FCHO2: variants seen among roughly 807,000 people sequenced by gnomAD.
The protein encoded by FCHO2 is FCH and mu domain containing endocytic adaptor 2.
A neutral mutation model predicts 114.1 loss-of-function variants in FCHO2; 43 were observed. The observed-to-expected ratio is 0.38, with a 90% CI of 0.30 to 0.49. The LOEUF is 0.49. Among genes scored for constraint, FCHO2 ranks in the 20% least tolerant of loss-of-function variants. FCHO2 has a pLI of 0.97. For synonymous variants in FCHO2, 293 were observed against 315.2 expected (o/e 0.93, Z 0.75); for missense variants, 807 against 950.4 (o/e 0.85, Z 1.98).
intron 2 of FCHO2, among the ~76,000 whole-genome samples, chr5:72,982,221 C>T (rs555422866): frequency 7.9e-5 from 12 of 152,236 alleles, no homozygotes; most frequent in African/African-American, 2.6e-4. Flanking sequence ...TGCTTCTGCT[C>T]GCTCTCTGTG....
chr5:72,971,545 GTTGT>G (rs1168001835), intron 2 of FCHO2, among the ~76,000 whole-genome samples: 1 of 152,160 alleles, frequency 6.6e-6, no homozygotes, highest in African/African-American at 2.4e-5. Context: ...TTTGGATGGG[GTTGT>G]TTGTTTTTTT....
intron 11 of FCHO2, among the ~76,000 whole-genome samples, chr5:73,048,186 A>G (rs1044098332): frequency 6.6e-6 from 1 of 152,038 alleles, no homozygotes; most frequent in African/African-American, 2.4e-5. Context: ...ACAGTGGGTC[A>G]TGCCTGTAAT....
At chr5:73,083,009 G>A (rs6867142) in intron 24 of FCHO2, among the ~76,000 whole-genome samples, 184 bp downstream of exon 24, 1 of 151,888 alleles carries the variant, frequency 6.6e-6, no homozygotes, top group Non-Finnish European at 1.5e-5. Context: ...GAGTAGCTGG[G>A]ATTACAGGCA....
chr5:73,066,076 C>A (rs1052781034), intron 18 of FCHO2, among the ~76,000 whole-genome samples: 4 of 151,986 alleles, frequency 2.6e-5, no homozygotes, highest in African/African-American at 9.7e-5. Flanking sequence ...ATTCTTATTT[C>A]ATAGTCTTCA....
At chr5:73,011,912 GA>G (rs1187558539) in intron 6 of FCHO2, among the ~76,000 whole-genome samples, 176 of 138,878 alleles carry the variant, frequency 1.3e-3, no homozygotes, top group Middle Eastern at 3.6e-3. Flanking sequence ...TCCATCTCAG[GA>G]AAAAAAAAAA....
intron 18 of FCHO2, among the ~76,000 whole-genome samples, chr5:73,068,365 TTAAAC>T (rs1164976489): frequency 1.3e-5 from 2 of 152,108 alleles, no homozygotes; most frequent in African/African-American, 2.4e-5. Context: ...TTTATACTGT[TTAAAC>T]TAATTTAACT....
At chr5:72,956,297 A>T (rs1185886384) in intron 1 of FCHO2, among the ~76,000 whole-genome samples, 168 bp downstream of exon 1, 2 of 150,634 alleles carry the variant, frequency 1.3e-5, no homozygotes, top group African/African-American at 4.9e-5. Context: ...TCGCCAGCCT[A>T]TAGGGACTCC....
chr5:73,054,208 T>C (rs764987108), intron 14 of FCHO2, 37 bp downstream of exon 14: 1 of 1,472,226 alleles, frequency 6.8e-7, no homozygotes, highest in Non-Finnish European at 9.1e-7. Flanking sequence ...CCATTGACTT[T>C]TAAAATCATT....
At chr5:73,043,697 A>G (rs1174875310) in intron 11 of FCHO2, among the ~76,000 whole-genome samples, 1 of 152,200 alleles carries the variant, frequency 6.6e-6, no homozygotes. Flanking sequence ...ACTTAATAAA[A>G]GCAAGTATGA....
At chr5:73,016,917 T>G (rs1755335651) in intron 7 of FCHO2, among the ~76,000 whole-genome samples, 1 of 151,988 alleles carries the variant, frequency 6.6e-6, no homozygotes, top group East Asian at 1.9e-4. Flanking sequence ...GTATTTTTGT[T>G]GTCTGTATAA....
chr5:73,062,548 T>G (rs1757899824), intron 17 of FCHO2, among the ~76,000 whole-genome samples: 1 of 152,036 alleles, frequency 6.6e-6, no homozygotes, highest in Admixed American at 6.6e-5. Context: ...AGGGTACAGC[T>G]TCAAGTGTGA....
At position 72,996,243 on chromosome 5, in the gene FCHO2, C is replaced by CAAAAAA. The variant is rs371371047; in HGVS notation, c.495+5391_495+5396dup. ...GGGCAACAAGAACGAAACTCTGTCT[C>CAAAAAA]AAAAAAAAAAAAAAAAATCCTGTTA... is the stretch of plus-strand genomic sequence containing the variant. On this transcript the variant is annotated intron_variant, in intron 5 of 25. Transcript: ENST00000430046. Among the ~76,000 whole-genome samples, 41 of 110,958 alleles carry CAAAAAA rather than the reference C, an allele frequency of 3.7e-4. 1 individual carries two copies. Among genetic ancestry groups the CAAAAAA allele is most frequent in the African/African-American group, 1.3e-3 (34 of 25,976 alleles). The allele number at this position is 110,958 out of a possible 152,430, so 72.8% of individuals were successfully genotyped here.
At chr5:72,975,729 T>G (rs1752830393) in intron 2 of FCHO2, among the ~76,000 whole-genome samples, 1 of 152,176 alleles carries the variant, frequency 6.6e-6, no homozygotes, top group South Asian at 2.1e-4. Context: ...GGTCTGGAAC[T>G]CCTGACCTCA....
At chr5:73,085,728 T>C (rs575669574) in intron 24 of FCHO2, among the ~76,000 whole-genome samples, 1 of 151,810 alleles carries the variant, frequency 6.6e-6, no homozygotes, top group South Asian at 2.1e-4. Flanking sequence ...TGAGCCAAGA[T>C]TGCACCACTG....
intron 19 of FCHO2, among the ~76,000 whole-genome samples, chr5:73,073,975 G>C (rs1474804874): frequency 6.6e-6 from 1 of 152,008 alleles, no homozygotes; most frequent in Non-Finnish European, 1.5e-5. Flanking sequence ...AGTAAGGCAC[G>C]CAGTGGTAAG....
chr5:73,037,805 G>A (rs1756598790), intron 10 of FCHO2: 1 of 321,884 alleles, frequency 3.1e-6, no homozygotes, highest in Non-Finnish European at 6.1e-6. Flanking sequence ...TGCCCAGGTT[G>A]GAATGCAATG....
chr5:73,020,861 T>TTAAG (rs1280201512), intron 8 of FCHO2: 2 of 984,270 alleles, frequency 2.0e-6, no homozygotes, highest in African/African-American at 3.2e-5. Context: ...ACTCTGACCA[T>TTAAG]TAAGTGTAGC....
intron 5 of FCHO2, among the ~76,000 whole-genome samples, chr5:73,002,631 T>G (rs960224202): frequency 1.3e-5 from 2 of 152,238 alleles, no homozygotes; most frequent in African/African-American, 4.8e-5. Flanking sequence ...CTTTTTAAAA[T>G]GATTTATTCA....
intron 1 of FCHO2, among the ~76,000 whole-genome samples, chr5:72,962,673 C>T (rs1157949440): frequency 6.6e-6 from 1 of 151,896 alleles, no homozygotes; most frequent in African/African-American, 2.4e-5. Flanking sequence ...GGTGGGCGGA[C>T]CATGAGGTCA....
Sources: allele counts gnomAD v4.1 joint callset (sites outside exome capture counted in the v4.1 genomes callset), GRCh38; gene constraint gnomAD v4.1.1; transcripts MANE v1.5; gene names NCBI Gene and HGNC (gene_info 2026-07-23, HGNC 2026-07-21).